Variants in RFT1 observed in about 807,000 individuals in gnomAD.
RFT1 encodes man(5)GlcNAc(2)-PP-dolichol translocation protein RFT1.
A neutral mutation model predicts 62.2 loss-of-function variants in RFT1; 43 were observed. The observed-to-expected ratio is 0.69, with a 90% confidence interval of 0.54 to 0.89. The LOEUF is 0.89. Ranked by LOEUF, RFT1 falls within the 40% of genes least tolerant of loss-of-function variation. The pLI, the probability that RFT1 is intolerant of heterozygous loss-of-function variation, is 0.00. For synonymous variants in RFT1, 262 were observed against 264.6 expected (o/e 0.99, Z 0.10); for missense variants, 605 against 649.9 (o/e 0.93, Z 0.75).
At chr3:53,117,089 A>G (rs935084818) in intron 6 of RFT1, among the ~76,000 whole-genome samples, 1 of 152,220 alleles carries the variant, frequency 6.6e-6, no homozygotes, top group Non-Finnish European at 1.5e-5. Context: ...AAAACCAGCT[A>G]TGTGATTTTG....
intron 11 of RFT1, among the ~76,000 whole-genome samples, chr3:53,098,662 C>T (rs893600106): frequency 4.6e-5 from 7 of 151,998 alleles, no homozygotes; most frequent in African/African-American, 1.2e-4. Context: ...ATTAGCCAGG[C>T]ATGGTGGCAC....
At chr3:53,103,861 T>C in intron 10 of RFT1, 92 bp downstream of exon 10, 1 of 1,505,008 alleles carries the variant, frequency 6.6e-7, no homozygotes, top group East Asian at 2.3e-5. Context: ...CTGACACAGA[T>C]AACAACTGTG....
Position 53,092,633 on chromosome 3 carries a change from G to A in RFT1, c.1209-15C>T. The A allele has an allele frequency of 3.1e-6, 5 of 1,607,946 alleles. No homozygotes were observed. Among genetic ancestry groups the A allele is most frequent in the Non-Finnish European group, 4.2e-6 (5 of 1,177,446 alleles). On this transcript the variant is annotated splice_polypyrimidine_tract_variant and intron_variant, in intron 11 of 12. Transcript: ENST00000296292. Reference sequence around the variant, plus strand: ...CAAAATTGTACCTGGGGAGGAGACAGGAAAAGGAGGGCAGTGGTGACCTTG... The same window carrying A: ...CAAAATTGTACCTGGGGAGGAGACAAGAAAAGGAGGGCAGTGGTGACCTTG...
At chr3:53,113,011 G>GT (rs1431563625) in intron 6 of RFT1, among the ~76,000 whole-genome samples, 1 of 152,034 alleles carries the variant, frequency 6.6e-6, no homozygotes, top group Non-Finnish European at 1.5e-5. Context: ...TAGGTGTTTG[G>GT]TTTTTTGTTT....
At chr3:53,109,511 T>C (rs1293449200) in intron 7 of RFT1, among the ~76,000 whole-genome samples, 1 of 152,160 alleles carries the variant, frequency 6.6e-6, no homozygotes, top group Non-Finnish European at 1.5e-5. Flanking sequence ...TTTTTGCTAC[T>C]ACAAAAAGTG....
intron 6 of RFT1, among the ~76,000 whole-genome samples, chr3:53,112,507 T>C (rs1290327531): frequency 6.6e-6 from 1 of 152,180 alleles, no homozygotes; most frequent in Non-Finnish European, 1.5e-5. Flanking sequence ...TTTGGGAAGC[T>C]GAGGTGGGTG....
chr3:53,112,559 T>C (rs980190356), intron 6 of RFT1, among the ~76,000 whole-genome samples: 6 of 152,122 alleles, frequency 3.9e-5, no homozygotes, highest in African/African-American at 2.4e-5. Context: ...TTGGCCAACA[T>C]GGCAAAAACC....
At chr3:53,071,573 C>T in the RFT1 span, among the ~76,000 whole-genome samples, 2 of 152,194 alleles carry the variant, frequency 1.3e-5, no homozygotes, top group African/African-American at 4.8e-5. Context: ...GAGCAGACAC[C>T]AGCCCTTGAC....
chr3:53,091,190 C>T lies in RFT1; in HGVS notation c.*713G>A, dbSNP rs977266751. 1.3e-5 allele frequency: 2 copies of T among 152,626 alleles called. No homozygotes were observed. Among genetic ancestry groups the T allele is most frequent in the African/African-American group, 4.8e-5 (2 of 41,456 alleles). 9.5% of individuals were successfully genotyped at this position (152,626 alleles called of 1,614,324 possible). A position where few individuals can be genotyped will look rare whatever the true frequency, so the allele number is the denominator to read the frequency against. On this transcript the variant is annotated 3_prime_UTR_variant, in exon 13 of 13. Transcript: ENST00000296292. ...AGGCCAGGAGTCTCCAGCCAGCTTTCACCCACCCTTCAATCAACAAATCCT... is the reference window on the plus strand; with the variant it reads ...AGGCCAGGAGTCTCCAGCCAGCTTTTACCCACCCTTCAATCAACAAATCCT...
chr3:53,126,268 T>C (rs1702108233), intron 1 of RFT1, among the ~76,000 whole-genome samples: 1 of 152,182 alleles, frequency 6.6e-6, no homozygotes, highest in African/African-American at 2.4e-5. Flanking sequence ...GAGGCCCCAA[T>C]AGACTCACTG....
At chr3:53,070,393 G>T in the RFT1 span, among the ~76,000 whole-genome samples, 14 of 85,464 alleles carry the variant, frequency 1.6e-4, no homozygotes, top group African/African-American at 2.3e-4. Context: ...CTGTATTATG[G>T]TTTTTTTTTT....
chr3:53,073,085 G>A, the RFT1 span, among the ~76,000 whole-genome samples: 1 of 152,232 alleles, frequency 6.6e-6, no homozygotes, highest in East Asian at 1.9e-4. Flanking sequence ...GGGTGGTCCT[G>A]GGCTGTGCCA....
chr3:53,108,889 G>C (rs1005841287), intron 7 of RFT1, among the ~76,000 whole-genome samples: 2 of 149,702 alleles, frequency 1.3e-5, no homozygotes, highest in Admixed American at 6.7e-5. Flanking sequence ...GGCTGGTCTC[G>C]AATTCCTTAC....
At chr3:53,099,544 C>G (rs1701252660) in intron 10 of RFT1, 58 bp from the exon 11 acceptor site, 2 of 1,336,436 alleles carry the variant, frequency 1.5e-6, no homozygotes, top group Admixed American at 1.8e-5. Context: ...CACATGTACC[C>G]TCAGTGCTGC....
At chr3:53,087,445 T>A (rs1454192736), downstream of RFT1, among the ~76,000 whole-genome samples, 1 of 152,022 alleles carries the variant, frequency 6.6e-6, no homozygotes, top group Non-Finnish European at 1.5e-5. Flanking sequence ...GCCTCTCACC[T>A]GAGCCCCTCC....
intron 6 of RFT1, among the ~76,000 whole-genome samples, chr3:53,118,435 G>C (rs550907840): frequency 8.5e-5 from 13 of 152,328 alleles, no homozygotes; most frequent in African/African-American, 3.1e-4. Flanking sequence ...GTAAAATCTA[G>C]CTGAGCAGAA....
At chr3:53,067,356 T>C in the RFT1 span, among the ~76,000 whole-genome samples, 1 of 151,850 alleles carries the variant, frequency 6.6e-6, no homozygotes, top group East Asian at 1.9e-4. Context: ...TCTCAAAAAA[T>C]ATACAAAAAT....
the RFT1 span, among the ~76,000 whole-genome samples, chr3:53,069,487 T>C: frequency 6.6e-6 from 1 of 151,730 alleles, no homozygotes; most frequent in African/African-American, 2.4e-5. Context: ...GGAAAGGATA[T>C]AAGCAGATTC....
At chr3:53,123,623 A>G in intron 3 of RFT1, 101 bp downstream of exon 3, 1 of 919,152 alleles carries the variant, frequency 1.1e-6, no homozygotes. Context: ...ACGAAACTGA[A>G]TCTGGGGGCA....
Sources: gnomAD v4.1 joint callset for allele counts (sites outside exome capture counted in the v4.1 genomes callset) on GRCh38, gnomAD v4.1.1 for gene constraint, MANE v1.5 for transcripts, NCBI Gene and HGNC (gene_info 2026-07-23, HGNC 2026-07-21) for gene names.